Variants in KIAA0825 observed in about 807,000 individuals in gnomAD.
KIAA0825 encodes uncharacterized protein KIAA0825.
In KIAA0825, 119 loss-of-function variants were observed where a neutral mutation model predicts 147.6. The ratio of observed to expected loss-of-function variants is 0.81; its 90% confidence interval spans 0.69 to 0.94. KIAA0825 has a LOEUF of 0.94. Among genes scored for constraint, KIAA0825 ranks in the 40% least tolerant of loss-of-function variants. KIAA0825 has a pLI of 0.00. For synonymous variants in KIAA0825, 470 were observed against 518.1 expected (o/e 0.91, Z 1.26); for missense variants, 1,381 against 1,472.7 (o/e 0.94, Z 1.02).
intron 7 of KIAA0825, among the ~76,000 whole-genome samples, chr5:94,475,802 A>T (rs530756948): frequency 2.7e-4 from 41 of 152,184 alleles, no homozygotes; most frequent in Non-Finnish European, 5.0e-4. Flanking sequence ...GAGTGATACT[A>T]TGTCTCAAAA....
chr5:94,444,947 G>A (rs561582280), intron 13 of KIAA0825, among the ~76,000 whole-genome samples: 15 of 152,192 alleles, frequency 9.9e-5, no homozygotes, highest in South Asian at 2.1e-4. Context: ...CTCACAGTTC[G>A]CATGGCTGGG....
At chr5:94,386,644 ACT>A (rs1251100248) in intron 18 of KIAA0825, among the ~76,000 whole-genome samples, 1 of 151,984 alleles carries the variant, frequency 6.6e-6, no homozygotes, top group African/African-American at 2.4e-5. Flanking sequence ...CATTTACCAA[ACT>A]CTTATATAAT....
intron 1 of KIAA0825, among the ~76,000 whole-genome samples, chr5:94,597,732 A>G (rs974359710): frequency 9.9e-5 from 15 of 152,128 alleles, no homozygotes; most frequent in African/African-American, 3.6e-4. Context: ...ACAAACATCA[A>G]TGGTATAGCC....
At chr5:94,269,975 T>C (rs1776911067) in intron 20 of KIAA0825, among the ~76,000 whole-genome samples, 1 of 151,914 alleles carries the variant, frequency 6.6e-6, no homozygotes, top group African/African-American at 2.4e-5. Context: ...TTACAGCCAA[T>C]ACTGCAGAAA....
At chr5:94,535,681 T>C (rs1039688624) in intron 3 of KIAA0825, among the ~76,000 whole-genome samples, 1 of 152,098 alleles carries the variant, frequency 6.6e-6, no homozygotes, top group African/African-American at 2.4e-5. Flanking sequence ...TCAAGGGAGA[T>C]AGCTCCCCAA....
At chr5:94,169,544 T>C (rs994514594) in intron 20 of KIAA0825, among the ~76,000 whole-genome samples, 2 of 143,196 alleles carry the variant, frequency 1.4e-5, no homozygotes, top group Non-Finnish European at 3.0e-5. Flanking sequence ...GTGGTGCCAC[T>C]GCAGTCCAGC....
intron 20 of KIAA0825, among the ~76,000 whole-genome samples, chr5:94,223,838 T>G (rs982788882): frequency 2.6e-5 from 4 of 152,150 alleles, no homozygotes; most frequent in Admixed American, 1.3e-4. Context: ...TGGAAGACAT[T>G]TAACATGCCT....
At chr5:94,449,325 G>T (rs1156442717) in intron 13 of KIAA0825, among the ~76,000 whole-genome samples, 1 of 152,128 alleles carries the variant, frequency 6.6e-6, no homozygotes, top group African/African-American at 2.4e-5. Flanking sequence ...ATGAGAGAGA[G>T]ATATAATGAA....
intron 3 of KIAA0825, among the ~76,000 whole-genome samples, chr5:94,531,642 C>T (rs7708233): frequency 0.09 from 13,768 of 152,158 alleles, 2,073 homozygotes; most frequent in African/African-American, 0.31. Flanking sequence ...AGTTCAACAG[C>T]AGTTGGGGGA....
intron 2 of KIAA0825, among the ~76,000 whole-genome samples, chr5:94,547,731 C>A (rs1774707981): frequency 1.8e-5 from 1 of 56,806 alleles, no homozygotes; most frequent in African/African-American, 8.9e-5. Context: ...GGTAAGACTC[C>A]CTTTCAAAAA....
intron 4 of KIAA0825, among the ~76,000 whole-genome samples, chr5:94,521,650 A>C (rs1349393643): frequency 6.6e-6 from 1 of 151,736 alleles, no homozygotes; most frequent in Non-Finnish European, 1.5e-5. Flanking sequence ...TTATTCCTTT[A>C]TACTTTCTGT....
At chr5:94,559,557 A>G (rs1777180169) in intron 2 of KIAA0825, among the ~76,000 whole-genome samples, 1 of 152,192 alleles carries the variant, frequency 6.6e-6, no homozygotes, top group South Asian at 2.1e-4. Context: ...TTTGTTTCCT[A>G]CCTATATAAG....
chr5:94,221,633 G>A (rs2150064984), intron 20 of KIAA0825, among the ~76,000 whole-genome samples: 1 of 152,272 alleles, frequency 6.6e-6, no homozygotes, highest in Non-Finnish European at 1.5e-5. Context: ...CTCCAGCCAT[G>A]AGTCCACTCT....
At chr5:94,230,544 T>G (rs191971817) in intron 20 of KIAA0825, among the ~76,000 whole-genome samples, 7 of 152,298 alleles carry the variant, frequency 4.6e-5, no homozygotes, top group Non-Finnish European at 8.8e-5. Flanking sequence ...TCCTGATATC[T>G]CTCAACATTG....
At chr5:94,482,331 C>A (rs28437462) in intron 6 of KIAA0825, among the ~76,000 whole-genome samples, 7,652 of 152,028 alleles carry the variant, frequency 0.05, 629 homozygotes, top group African/African-American at 0.17. Context: ...TTTAAAAAAT[C>A]TGCACAATGC....
In KIAA0825 at chr5:94,396,354, C is replaced by T; in HGVS notation, c.3043G>A (p.Val1015Ile). The T allele has an allele frequency of 6.4e-7, 1 of 1,550,936 alleles. No individual in the cohort carries two copies. The highest frequency in any genetic ancestry group is 1.2e-5 in the South Asian group (1 of 83,850). The change falls in exon 17 of 21, where the codon GTC becomes ATC. Residue 1015 changes from valine to isoleucine, a missense_variant. Coordinates refer to ENST00000682413, the MANE Select transcript of KIAA0825 (RefSeq NM_001145678.3). Reference protein sequence around the residue: ...FVELKKAGLLVWNLIVIICRI... With the variant: ...FVELKKAGLLIWNLIVIICRI... ...CATATAATTACAATCAAGTTCCAGA[C>T]AAGCAGGCCAGCTTTCTTCAATTCA...
Position 94,464,977 on chromosome 5 carries a change from G to C in KIAA0825, c.1955C>G (p.Pro652Arg). Reference sequence around the variant, plus strand: ...CACTAGAATCTCCTGGGCTAACTTAGGAGGCAGAATGGTCCAGAGATCGTA... The same window carrying C: ...CACTAGAATCTCCTGGGCTAACTTACGAGGCAGAATGGTCCAGAGATCGTA... ...LHYDLWTILPPKLAQEILVEV... is the reference protein window; with the variant it reads ...LHYDLWTILPRKLAQEILVEV... Residue 652 changes from proline (P) to arginine (R), a missense_variant, in exon 11 of 21, where the codon CCT becomes CGT. Coordinates refer to ENST00000682413, the MANE Select transcript of KIAA0825 (RefSeq NM_001145678.3). 1 of 1,551,672 alleles carries C rather than the reference G, an allele frequency of 6.4e-7. No homozygotes were observed. The highest frequency in any genetic ancestry group is 8.7e-7 in the Non-Finnish European group (1 of 1,146,966).
intron 18 of KIAA0825, 65 bp from the exon 19 acceptor site, chr5:94,386,469 G>T: frequency 7.6e-7 from 1 of 1,308,536 alleles, no homozygotes; most frequent in Non-Finnish European, 1.1e-6. Flanking sequence ...AAAATAAACT[G>T]ATCAATATCC....
intron 20 of KIAA0825, among the ~76,000 whole-genome samples, chr5:94,172,574 A>T (rs1221473055): frequency 6.6e-6 from 1 of 152,176 alleles, no homozygotes; most frequent in Non-Finnish European, 1.5e-5. Flanking sequence ...ATATGTTTGT[A>T]GTCAAAATGA....
Sources: allele counts gnomAD v4.1 joint callset (sites outside exome capture counted in the v4.1 genomes callset), GRCh38; gene constraint gnomAD v4.1.1; transcripts MANE v1.5; gene names NCBI Gene and HGNC (gene_info 2026-07-23, HGNC 2026-07-21).